CREB3L2: variants seen among roughly 807,000 people sequenced by gnomAD.
CREB3L2 encodes the protein cyclic AMP-responsive element-binding protein 3-like protein 2.
In CREB3L2, 23 loss-of-function variants were observed where a neutral mutation model predicts 57.2. The ratio of observed to expected loss-of-function variants is 0.40; its 90% CI spans 0.29 to 0.57. CREB3L2 has a LOEUF of 0.57. CREB3L2 is among the 20% of genes least tolerant of loss of function. The pLI, the probability that CREB3L2 is intolerant of heterozygous loss-of-function variation, is 0.42. For missense variants in CREB3L2, 628 were observed against 634.7 expected (o/e 0.99, Z 0.11); for synonymous variants, 268 against 265.1 (o/e 1.01, Z -0.11).
chr7:137,941,386 T>C (rs1800877269), intron 1 of CREB3L2, among the ~76,000 whole-genome samples: 1 of 152,248 alleles, frequency 6.6e-6, no homozygotes. Context: ...ACAGAGTTCT[T>C]ATCTCCATCG....
chr7:137,915,839 C>T lies in CREB3L2; in HGVS notation c.493G>A (p.Gly165Arg), dbSNP rs759367030. The T allele has an allele frequency of 6.4e-5, 104 of 1,613,392 alleles. No homozygotes were observed. Among genetic ancestry groups the T allele is most frequent in the Non-Finnish European group, 8.2e-5 (97 of 1,179,704 alleles). ...AAACAGACGAAAATTGAGCATACCC[C>T]AGTGTTCATTTCCAGAGGAGGTTCC... ...KEEPPLEMNT[G>R]VDSSCQTIIP... Residue 165 changes from glycine to arginine, a missense_variant and splice_region_variant, in exon 3 of 12, where the codon GGG becomes AGG. Coordinates refer to ENST00000330387, the MANE Select transcript of CREB3L2 (RefSeq NM_194071.4).
In CREB3L2 at chr7:137,934,538, C is replaced by A. The variant is rs1259478845; in HGVS notation, c.103-6172G>T. Among the ~76,000 whole-genome samples the A allele has an allele frequency of 3.9e-5, 6 of 152,184 alleles. No homozygotes were observed. In the East Asian group the frequency reaches 9.6e-4, roughly 24 times the overall value. ...TGAAAGGTGAAACTGATATTCTAGC[C>A]CATGTTCAGCCAGTTCCAAATCACA... On this transcript the variant is annotated intron_variant, in intron 1 of 11. Coordinates refer to ENST00000330387, the MANE Select transcript of CREB3L2 (RefSeq NM_194071.4).
At chr7:137,981,580 T>C (rs1289856338) in intron 1 of CREB3L2, among the ~76,000 whole-genome samples, 4 of 152,032 alleles carry the variant, frequency 2.6e-5, no homozygotes, top group Non-Finnish European at 4.4e-5. Flanking sequence ...AGACCAAAAA[T>C]ATATACCCAT....
chr7:137,905,478 T>C (rs1799866201), intron 6 of CREB3L2, among the ~76,000 whole-genome samples: 1 of 149,654 alleles, frequency 6.7e-6, no homozygotes, highest in Non-Finnish European at 1.5e-5. Context: ...AAGAGGTAGA[T>C]ACTGATCTGG....
intron 8 of CREB3L2, among the ~76,000 whole-genome samples, chr7:137,886,737 G>T (rs1352697991): frequency 7.0e-6 from 1 of 142,122 alleles, no homozygotes; most frequent in East Asian, 1.9e-4. Flanking sequence ...AAAAAAAAAA[G>T]GAGACGTTTT....
chr7:137,971,342 C>T (rs968151056), intron 1 of CREB3L2, among the ~76,000 whole-genome samples: 20 of 151,292 alleles, frequency 1.3e-4, no homozygotes, highest in East Asian at 3.9e-4. Context: ...CCCAGCTACT[C>T]GGGAGGGTGA....
In CREB3L2 at chr7:137,908,371, T is replaced by C. The variant is rs770119154; in HGVS notation, c.649A>G (p.Ser217Gly). ...TGCAGGCGTGGGTTGGGACTCAGGCTGCCCTCTGAGTCACTGCCGTGACTG... is the reference window on the plus strand; with the variant it reads ...TGCAGGCGTGGGTTGGGACTCAGGCCGCCCTCTGAGTCACTGCCGTGACTG... ...PSSHGSDSEGSLSPNPRLHPF... is the reference protein window; with the variant it reads ...PSSHGSDSEGGLSPNPRLHPF... The change falls in exon 5 of 12, where the codon AGC becomes GGC. Residue 217 changes from serine (S) to glycine (G), a missense_variant. By Grantham distance (56) the Ser-to-Gly change is moderately conservative. Around this residue, in one of 3 missense-constraint regions of CREB3L2, gnomAD observed 339 missense variants for 355.4 expected, o/e 0.95. Transcript: ENST00000330387. 2 of 1,260,602 alleles carry C rather than the reference T, an allele frequency of 1.6e-6. No individual in the cohort carries two copies. Among genetic ancestry groups the C allele is most frequent in the East Asian group, 3.1e-5 (1 of 31,866 alleles). The allele number at this position is 1,260,602 out of a possible 1,614,324, so 78.1% of individuals were successfully genotyped here. A position where few individuals can be genotyped will look rare whatever the true frequency, so the allele number is the denominator to read the frequency against.
At chr7:137,896,722 A>G (rs1302895357) in intron 8 of CREB3L2, among the ~76,000 whole-genome samples, 1 of 152,192 alleles carries the variant, frequency 6.6e-6, no homozygotes, top group Non-Finnish European at 1.5e-5. Flanking sequence ...AGTCTTGAAG[A>G]GGGAGAAGAA....
chr7:137,966,786 C>A (rs1801415250), intron 1 of CREB3L2, among the ~76,000 whole-genome samples: 1 of 152,190 alleles, frequency 6.6e-6, no homozygotes, highest in South Asian at 2.1e-4. Flanking sequence ...GTCTCTGCCT[C>A]CATATAATAC....
At chr7:137,979,445 G>A (rs530371616) in intron 1 of CREB3L2, among the ~76,000 whole-genome samples, 43 of 152,262 alleles carry the variant, frequency 2.8e-4, no homozygotes, top group Middle Eastern at 3.4e-3. Flanking sequence ...GAATGCTGCC[G>A]GCCGGGCGCG....
chr7:137,928,910 G>A (rs1585635273), intron 1 of CREB3L2, among the ~76,000 whole-genome samples: 1 of 152,206 alleles, frequency 6.6e-6, no homozygotes, highest in Non-Finnish European at 1.5e-5. Context: ...GCAGACGAGT[G>A]TGGACAGTGC....
Position 137,980,972 on chromosome 7 carries a change from G to A in CREB3L2, c.102+20632C>T, listed in dbSNP as rs530601181. On this transcript the variant is annotated intron_variant, in intron 1 of 11. Coordinates refer to ENST00000330387, the MANE Select transcript of CREB3L2 (RefSeq NM_194071.4). This position sits in a 1 kb window ranked among gnomAD's most constrained non-coding sequence, Gnocchi z 4.3. ...GAAATCCCCTCCAAAGACCCTTAAC[G>A]ATGATGCACACCAATAATGTGACAC... Among the ~76,000 whole-genome samples the A allele has an allele frequency of 1.3e-5, 2 of 152,174 alleles. No individual in the cohort carries two copies. The highest frequency in any genetic ancestry group is 6.5e-5 in the Admixed American group (1 of 15,288).
intron 10 of CREB3L2, among the ~76,000 whole-genome samples, chr7:137,883,607 T>A (rs950867974): frequency 1.3e-5 from 2 of 152,224 alleles, no homozygotes; most frequent in African/African-American, 2.4e-5. Context: ...AGAACAATTC[T>A]AACCATATCT....
intron 1 of CREB3L2, among the ~76,000 whole-genome samples, chr7:137,955,997 C>T (rs1160558204): frequency 1.3e-5 from 2 of 152,184 alleles, no homozygotes; most frequent in African/African-American, 4.8e-5. Context: ...CTTTCAATCA[C>T]TTGAAATCAC....
intron 1 of CREB3L2, among the ~76,000 whole-genome samples, chr7:137,933,007 C>T (rs541791973): frequency 2.0e-5 from 3 of 152,292 alleles, no homozygotes; most frequent in African/African-American, 7.2e-5. Flanking sequence ...ACAGACCACA[C>T]TCTGGGCAGC....
At chr7:137,906,154 C>A (rs976249582) in intron 5 of CREB3L2, among the ~76,000 whole-genome samples, 1 of 152,232 alleles carries the variant, frequency 6.6e-6, no homozygotes, top group African/African-American at 2.4e-5. Context: ...GCAGAGAAGT[C>A]ATTTCCCACA....
At chr7:137,978,457 C>T (rs536266650) in intron 1 of CREB3L2, among the ~76,000 whole-genome samples, 17 of 152,312 alleles carry the variant, frequency 1.1e-4, no homozygotes, top group African/African-American at 3.8e-4. Flanking sequence ...CTCCTCCTCC[C>T]TATGATGTCT....
chr7:137,982,327 C>T (rs1174679846), intron 1 of CREB3L2, among the ~76,000 whole-genome samples: 1 of 152,148 alleles, frequency 6.6e-6, no homozygotes. Flanking sequence ...CTGCTCTGGT[C>T]ACCGCCATGA....
chr7:137,922,505 CA>C (rs2070589548), intron 2 of CREB3L2: 1 of 274,226 alleles, frequency 3.6e-6, no homozygotes, highest in South Asian at 3.4e-5. Context: ...CACACACACA[CA>C]CAATATATAT....
Sources: allele counts gnomAD v4.1 joint callset (sites outside exome capture counted in the v4.1 genomes callset), GRCh38; gene constraint gnomAD v4.1.1; regional missense constraint gnomAD v4.1.1; non-coding constraint Gnocchi (gnomAD v3.1); transcripts MANE v1.5; gene names NCBI Gene and HGNC (gene_info 2026-07-23, HGNC 2026-07-21).